The following PIK3R3 variants were observed in gnomAD, a reference collection of about 807,000 sequenced individuals.
PIK3R3 encodes the protein phosphoinositide-3-kinase regulatory subunit 3, also known as phosphatidylinositol 3-kinase regulatory subunit gamma.
A neutral mutation model predicts 62.9 loss-of-function variants in PIK3R3; 64 were observed. The observed-to-expected ratio is 1.02, with a 90% confidence interval of 0.83 to 1.25. PIK3R3 has a LOEUF of 1.25. Ranked by LOEUF, PIK3R3 falls within the 50% of genes most tolerant of loss-of-function variation. The pLI, the probability that PIK3R3 is intolerant of heterozygous loss-of-function variation, is 0.00. For missense variants in PIK3R3, 614 were observed against 561.6 expected, an observed-to-expected ratio of 1.09 and a Z score of -0.94; for synonymous variants, 165 against 189.0, an observed-to-expected ratio of 0.87 and a Z score of 1.04.
At chr1:46,168,760 G>C in the PIK3R3 span, among the ~76,000 whole-genome samples, 1 of 152,196 alleles carries the variant, frequency 6.6e-6, no homozygotes, top group Non-Finnish European at 1.5e-5. Context: ...CCTGGCTCTG[G>C]AGGCCTGACA....
At position 46,067,102 on chromosome 1, in the gene PIK3R3, C is replaced by A; in HGVS notation, c.315-11G>T. On this transcript the variant is annotated splice_polypyrimidine_tract_variant and intron_variant, in intron 3 of 9. Coordinates refer to ENST00000262741, the MANE Select transcript of PIK3R3 (RefSeq NM_003629.4). ...TTATTGCCTCCCTTCCTGTGAACAA[C>A]AAGACAACAACTGTGGATTTTTTTC... 6.5e-7 allele frequency: 1 copy of A among 1,533,760 alleles called. No individual in the cohort carries two copies. The highest frequency in any genetic ancestry group is 1.3e-5 in the South Asian group (1 of 77,990).
the PIK3R3 span, among the ~76,000 whole-genome samples, chr1:46,159,121 A>AAATAAATAAATAAAT: frequency 4.7e-5 from 7 of 148,156 alleles, no homozygotes; most frequent in East Asian, 1.4e-3. Flanking sequence ...ATAAATAAAT[A>AAATAAATAAATAAAT]AAATAAAATG....
chr1:46,045,875 A>T (rs774328429), intron 9 of PIK3R3, 43 bp downstream of exon 9: 1 of 1,522,232 alleles, frequency 6.6e-7, no homozygotes, highest in Admixed American at 1.7e-5. Flanking sequence ...ATAATAATTG[A>T]TGCAAAAGAT....
the PIK3R3 span, among the ~76,000 whole-genome samples, chr1:46,169,987 G>A: frequency 2.0e-5 from 3 of 152,238 alleles, no homozygotes; most frequent in South Asian, 4.2e-4. Flanking sequence ...TCTCCACAGG[G>A]TCCTCTATCA....
intron 1 of PIK3R3, among the ~76,000 whole-genome samples, chr1:46,089,974 A>T (rs1452325509): frequency 1.3e-5 from 2 of 152,162 alleles, no homozygotes; most frequent in East Asian, 3.8e-4. Flanking sequence ...AAAAATAGGG[A>T]GGTAAAACAC....
At chr1:46,065,969 T>TA (rs1428074443) in intron 5 of PIK3R3, 85 bp downstream of exon 5, 1 of 1,220,092 alleles carries the variant, frequency 8.2e-7, no homozygotes, top group African/African-American at 1.5e-5. Context: ...TTAAAACAGC[T>TA]AAAGATCATC....
At position 46,044,488 on chromosome 1, in the gene PIK3R3, CTTTTT is replaced by C. The variant is rs1171487192; in HGVS notation, c.1188-622_1188-618del. Among the ~76,000 whole-genome samples, 1 of 152,158 alleles carries C rather than the reference CTTTTT, an allele frequency of 6.6e-6. No individual in the cohort carries two copies. Among genetic ancestry groups the C allele is most frequent in the African/African-American group, 2.4e-5 (1 of 41,446 alleles). Reference sequence around the variant, plus strand: ...AGCGACTGGGCTTACTGCCTTCCTTCTTTTTATTATTCTTAGAAGATCCTAAGTCT... The same window carrying C: ...AGCGACTGGGCTTACTGCCTTCCTTCATTATTCTTAGAAGATCCTAAGTCT... On this transcript the variant is annotated intron_variant, in intron 9 of 9. Transcript: ENST00000262741. The surrounding 1 kb of genome is among the most constrained non-coding windows in gnomAD (Gnocchi z 4.2).
At chr1:46,061,869 A>T (rs1648520851) in intron 6 of PIK3R3, 60 bp downstream of exon 6, 1 of 1,494,510 alleles carries the variant, frequency 6.7e-7, no homozygotes, top group South Asian at 1.1e-5. Flanking sequence ...GACAGAAATT[A>T]TTGGGGAAGA....
At chr1:46,089,863 AAG>A (rs1346126664) in intron 1 of PIK3R3, among the ~76,000 whole-genome samples, 2 of 152,294 alleles carry the variant, frequency 1.3e-5, no homozygotes, top group African/African-American at 4.8e-5. Context: ...CATAGAAGGA[AAG>A]AGTGTATGGC....
chr1:46,127,667 A>T (rs1655216066), intron 1 of PIK3R3, among the ~76,000 whole-genome samples: 1 of 152,182 alleles, frequency 6.6e-6, no homozygotes, highest in Admixed American at 6.5e-5. Context: ...AGCAAGACTA[A>T]CCAAGATGCT....
chr1:46,161,948 T>C, the PIK3R3 span, among the ~76,000 whole-genome samples: 13 of 150,146 alleles, frequency 8.7e-5, no homozygotes, highest in South Asian at 6.4e-4. Context: ...AAAAATTAGC[T>C]GGGCGTGGTG....
intron 3 of PIK3R3, among the ~76,000 whole-genome samples, chr1:46,070,207 A>G (rs753160698): frequency 7.2e-5 from 11 of 152,342 alleles, no homozygotes; most frequent in Non-Finnish European, 1.5e-4. Context: ...TGATCCAACA[A>G]AGAGGACAAG....
intron 5 of PIK3R3, 35 bp downstream of exon 5, chr1:46,066,019 A>G (rs1020283678): frequency 6.3e-7 from 1 of 1,584,292 alleles, no homozygotes; most frequent in Non-Finnish European, 8.7e-7. Flanking sequence ...AAAACATTGC[A>G]CACATATTAG....
the PIK3R3 span, among the ~76,000 whole-genome samples, chr1:46,151,637 T>C: frequency 6.6e-6 from 1 of 152,218 alleles, no homozygotes; most frequent in Non-Finnish European, 1.5e-5. Context: ...TCTTGTTCCC[T>C]GATGCTCTTC....
intron 3 of PIK3R3, among the ~76,000 whole-genome samples, chr1:46,073,148 A>C (rs1213924856): frequency 6.6e-6 from 1 of 152,074 alleles, no homozygotes; most frequent in Non-Finnish European, 1.5e-5. Context: ...CCATACAGTG[A>C]ATTAGTCAAT....
upstream of PIK3R3, chr1:46,132,906 TCA>T (rs1655753992): frequency 8.4e-7 from 1 of 1,185,162 alleles, no homozygotes; most frequent in African/African-American, 1.6e-5. Flanking sequence ...TCCCCCAGCC[TCA>T]ATCAGAATGG....
At chr1:46,145,075 A>G in the PIK3R3 span, among the ~76,000 whole-genome samples, 691 of 151,348 alleles carry the variant, frequency 4.6e-3, 35 homozygotes, top group East Asian at 0.11. Context: ...GTGAGCTAAG[A>G]TCGCGCCATT....
chr1:46,076,682 A>G (rs1650095961), intron 3 of PIK3R3, among the ~76,000 whole-genome samples: 1 of 152,222 alleles, frequency 6.6e-6, no homozygotes, highest in Non-Finnish European at 1.5e-5. Flanking sequence ...AAACAGCCAG[A>G]TGAATCTGGA....
Position 46,067,040 on chromosome 1 carries a change from A to G in PIK3R3, c.366T>C (p.Tyr122=), listed in dbSNP as rs541646849. The G allele has an allele frequency of 8.1e-6, 13 of 1,602,780 alleles. No individual in the cohort carries two copies. Among genetic ancestry groups the G allele is most frequent in the Non-Finnish European group, 1.1e-5 (13 of 1,175,364 alleles). Residue 122 remains tyrosine (Y), a synonymous_variant, in exon 4 of 10, where the codon TAT becomes TAC. Transcript: ENST00000262741. ...LIKIYHRDGK[Y]GFSDPLTFNS... ...TAAATGTCAGAGGATCAGAAAAGCC[A>G]TATTTACCATCCCGGTGATAGATCT...
Sources: allele counts gnomAD v4.1 joint callset (sites outside exome capture counted in the v4.1 genomes callset), GRCh38; gene constraint gnomAD v4.1.1; non-coding constraint Gnocchi (gnomAD v3.1); transcripts MANE v1.5; gene names NCBI Gene and HGNC (gene_info 2026-07-23, HGNC 2026-07-21).